The following PPP2R2B variants were observed in gnomAD, a reference collection of about 807,000 sequenced individuals.
The protein encoded by PPP2R2B is protein phosphatase 2 regulatory subunit Bbeta.
In PPP2R2B, 5 loss-of-function variants were observed where a neutral mutation model predicts 46.0. The ratio of observed to expected loss-of-function variants is 0.11; its 90% CI spans 0.06 to 0.23. PPP2R2B has a LOEUF of 0.23. Ranked by LOEUF, PPP2R2B falls within the 10% of genes least tolerant of loss-of-function variation. PPP2R2B has a pLI of 1.00. For synonymous variants in PPP2R2B, 215 were observed against 206.7 expected, an observed-to-expected ratio of 1.04 and a Z score of -0.34; for missense variants, 367 against 575.0, an observed-to-expected ratio of 0.64 and a Z score of 3.70.
chr5:146,881,881 G>A (rs965486316), upstream of PPP2R2B, among the ~76,000 whole-genome samples: 1 of 152,142 alleles, frequency 6.6e-6, no homozygotes, highest in East Asian at 1.9e-4. Flanking sequence ...TCTGTTGTGA[G>A]CTGGAAATTT....
chr5:146,632,080 CAT>C (rs1774472683), intron 7 of PPP2R2B, among the ~76,000 whole-genome samples: 1 of 137,244 alleles, frequency 7.3e-6, no homozygotes, highest in African/African-American at 2.7e-5. Context: ...CCCGCCCATT[CAT>C]ATATTGAAGT....
At chr5:146,758,391 A>G (rs1224834057) in intron 2 of PPP2R2B, among the ~76,000 whole-genome samples, 1 of 152,110 alleles carries the variant, frequency 6.6e-6, no homozygotes, top group African/African-American at 2.4e-5. Context: ...AAAGTTACCA[A>G]CATTACCTCA....
rs191599672 is a variant in PPP2R2B at position 147,078,661 on chromosome 5, G to A, written c.50+2398C>T. The stretch of plus-strand genomic sequence containing the variant: ...AGAAATAAAAATTAAAAAAAAATAA[G>A]CTGGGCATATTTGGTGGGTGCCTGT... On this transcript the variant is annotated intron_variant, in intron 2 of 10. Coordinates refer to the PPP2R2B transcript ENST00000394413. Among the ~76,000 whole-genome samples, 10 of 151,960 alleles carry A rather than the reference G, an allele frequency of 6.6e-5. No homozygotes were observed. The East Asian group carries it at 1.9e-3, about 29-fold the overall frequency.
chr5:146,850,941 C>A (rs983237007), intron 2 of PPP2R2B, among the ~76,000 whole-genome samples: 15 of 152,106 alleles, frequency 9.9e-5, no homozygotes, highest in African/African-American at 3.6e-4. Flanking sequence ...TTAAAGTCCT[C>A]TTTGGATTCA....
chr5:147,079,687 T>A (rs1757917051), intron 2 of PPP2R2B, among the ~76,000 whole-genome samples: 1 of 151,804 alleles, frequency 6.6e-6, no homozygotes, highest in African/African-American at 2.4e-5. Context: ...ACCAGAGGCC[T>A]GGGAGGGTGG....
At chr5:147,080,151 T>C (rs973724694) in intron 2 of PPP2R2B, among the ~76,000 whole-genome samples, 3 of 152,306 alleles carry the variant, frequency 2.0e-5, no homozygotes, top group Non-Finnish European at 4.4e-5. Flanking sequence ...TTTGCTTGAA[T>C]TACTTTTTAC....
intron 7 of PPP2R2B, among the ~76,000 whole-genome samples, chr5:146,620,936 C>G (rs981370352): frequency 6.6e-6 from 1 of 152,226 alleles, no homozygotes; most frequent in Non-Finnish European, 1.5e-5. Context: ...CAGTGCTGAA[C>G]TCCCAAGCTG....
intron 2 of PPP2R2B, among the ~76,000 whole-genome samples, chr5:146,717,748 C>A (rs181248211): frequency 6.6e-6 from 1 of 152,102 alleles, no homozygotes. Flanking sequence ...CCTGACCTCC[C>A]TCCTTACCAT....
intron 2 of PPP2R2B, among the ~76,000 whole-genome samples, chr5:146,713,125 C>T (rs1561852044): frequency 6.6e-6 from 1 of 152,082 alleles, no homozygotes; most frequent in African/African-American, 2.4e-5. Flanking sequence ...GCTGCAATTT[C>T]AATAGGGTGG....
At position 146,701,156 on chromosome 5, in the gene PPP2R2B, G is replaced by A. The variant is rs1157255661; in HGVS notation, c.71-14C>T. The A allele has an allele frequency of 3.1e-6, 5 of 1,594,806 alleles. No individual in the cohort carries two copies. Among genetic ancestry groups the A allele is most frequent in the Non-Finnish European group, 4.3e-6 (5 of 1,162,470 alleles). On this transcript the variant is annotated splice_polypyrimidine_tract_variant and intron_variant, in intron 2 of 9. Transcript: ENST00000394411. ...AGATAATGTCAGCTGCAAAGAAGAA[G>A]ACAAAGGCAATTTAAGTAACTGCAC...
At chr5:146,606,924 C>G (rs949682490) in intron 7 of PPP2R2B, 5 of 152,180 alleles carry the variant, frequency 3.3e-5, no homozygotes, top group African/African-American at 4.8e-5. Context: ...CGGAATCATG[C>G]GCAGGGCTTT....
At chr5:147,062,872 C>G (rs1270216787) in intron 2 of PPP2R2B, among the ~76,000 whole-genome samples, 1 of 150,910 alleles carries the variant, frequency 6.6e-6, no homozygotes, top group Non-Finnish European at 1.5e-5. Context: ...CTCCAGAGAT[C>G]CAATATGTGT....
intron 2 of PPP2R2B, among the ~76,000 whole-genome samples, chr5:146,807,612 A>G (rs549361311): frequency 6.6e-6 from 1 of 152,012 alleles, no homozygotes; most frequent in African/African-American, 2.4e-5. Context: ...TGTTCATTTC[A>G]CAGATGAGAA....
chr5:146,892,609 A>G (rs373705844), intron 1 of PPP2R2B, among the ~76,000 whole-genome samples: 59 of 152,264 alleles, frequency 3.9e-4, no homozygotes, highest in African/African-American at 1.3e-3. Context: ...AGTCAGTATG[A>G]TCTTTCTAAC....
At chr5:147,077,090 A>G (rs1405741214) in intron 2 of PPP2R2B, among the ~76,000 whole-genome samples, 1 of 147,856 alleles carries the variant, frequency 6.8e-6, no homozygotes, top group East Asian at 1.9e-4. Context: ...CATATGTATT[A>G]TATATGTATA....
rs1294168277 is a variant in PPP2R2B at position 147,007,368 on chromosome 5, G to A, written c.79+48297C>T. Among the ~76,000 whole-genome samples, 11 of 152,174 alleles carry A rather than the reference G, an allele frequency of 7.2e-5. No individual in the cohort carries two copies. In the East Asian group the frequency reaches 1.6e-3, roughly 21 times the overall value. Reference sequence around the variant, plus strand: ...TCTGTCTAGCTAAAGGTTTGTAAACGCACCAATCAGCACTCTGTAAAAATG... The same window carrying A: ...TCTGTCTAGCTAAAGGTTTGTAAACACACCAATCAGCACTCTGTAAAAATG... On this transcript the variant is annotated intron_variant, in intron 1 of 8. Coordinates refer to the PPP2R2B transcript ENST00000336640.
chr5:146,940,068 A>T (rs1323909166), intron 1 of PPP2R2B, among the ~76,000 whole-genome samples: 1 of 152,220 alleles, frequency 6.6e-6, no homozygotes, highest in Non-Finnish European at 1.5e-5. Context: ...CAAAGATTTC[A>T]AGTGCCATGG....
intron 4 of PPP2R2B, among the ~76,000 whole-genome samples, chr5:146,694,244 G>T (rs913688728): frequency 2.0e-5 from 3 of 152,144 alleles, no homozygotes; most frequent in Non-Finnish European, 4.4e-5. Flanking sequence ...TGATTTGTGC[G>T]CTCTGAATTG....
At chr5:146,632,266 A>C (rs1269901362) in intron 7 of PPP2R2B, among the ~76,000 whole-genome samples, 1 of 152,192 alleles carries the variant, frequency 6.6e-6, no homozygotes, top group Non-Finnish European at 1.5e-5. Flanking sequence ...CAGGGAGAAG[A>C]CAGCCATCTA....
Sources: allele counts gnomAD v4.1 joint callset (sites outside exome capture counted in the v4.1 genomes callset), GRCh38; gene constraint gnomAD v4.1.1; transcripts MANE v1.5; gene names NCBI Gene and HGNC (gene_info 2026-07-23, HGNC 2026-07-21).